Variants in ABL1 observed in about 807,000 individuals in gnomAD.
ABL1 encodes the protein ABL proto-oncogene 1, non-receptor tyrosine kinase.
A neutral mutation model predicts 94.7 loss-of-function variants in ABL1; 11 were observed. The observed-to-expected ratio is 0.12, with a 90% CI of 0.07 to 0.19. The LOEUF (loss-of-function observed/expected upper bound fraction) is 0.19. Ranked by LOEUF, ABL1 falls within the 10% of genes least tolerant of loss-of-function variation. The pLI, the probability that ABL1 is intolerant of heterozygous loss-of-function variation, is 1.00. For synonymous variants in ABL1, 656 were observed against 622.4 expected, an observed-to-expected ratio of 1.05 and a Z score of -0.80; for missense variants, 1,082 against 1,489.4, an observed-to-expected ratio of 0.73 and a Z score of 4.50.
chr9:130,726,766 A>C (rs1191892007), intron 1 of ABL1, among the ~76,000 whole-genome samples: 1 of 151,966 alleles, frequency 6.6e-6, no homozygotes, highest in Non-Finnish European at 1.5e-5. Context: ...GAGCCACTGC[A>C]CCCAGCCTAC....
At chr9:130,820,435 T>C (rs1228129129) in intron 1 of ABL1, among the ~76,000 whole-genome samples, 1 of 152,242 alleles carries the variant, frequency 6.6e-6, no homozygotes, top group Admixed American at 6.5e-5. Context: ...TTGCTGGCTT[T>C]CTCAGATGTC....
Position 130,883,850 on chromosome 9 carries a change from T to C in ABL1, c.1679-119T>C, listed in dbSNP as rs1373818071. 5 of 1,255,184 alleles carry C rather than the reference T, an allele frequency of 4.0e-6. No homozygotes were observed. In the African/African-American group the frequency reaches 6.0e-5, roughly 15 times the overall value. 77.8% of individuals were successfully genotyped at this position (1,255,184 alleles called of 1,614,324 possible). A position where few individuals can be genotyped will look rare whatever the true frequency, so the allele number is the denominator to read the frequency against. Reference sequence around the variant, plus strand: ...TGTTTGTTTGTTTTGAGATGGAGTCTCACTCTGTCTCCTGGGCTGGAGTGC... The same window carrying C: ...TGTTTGTTTGTTTTGAGATGGAGTCCCACTCTGTCTCCTGGGCTGGAGTGC... On this transcript the variant is annotated intron_variant, in intron 10 of 10. Coordinates refer to ENST00000318560, the MANE Select transcript of ABL1 (RefSeq NM_005157.6).
chr9:130,862,509 T>G lies in ABL1; in HGVS notation c.550-254T>G, dbSNP rs1187731413. Among the ~76,000 whole-genome samples, 2 of 152,090 alleles carry G rather than the reference T, an allele frequency of 1.3e-5. No individual in the cohort carries two copies. The highest frequency in any genetic ancestry group is 4.8e-5 in the African/African-American group (2 of 41,402). The stretch of plus-strand genomic sequence containing the variant: ...CACGGAAGATGAGGGAGTGGGAGAT[T>G]TCAGGCAGAGGGAGCAGCAGCAGGT... On this transcript the variant is annotated intron_variant, in intron 3 of 10. Transcript: ENST00000318560. This position sits in a 1 kb window ranked among gnomAD's most constrained non-coding sequence, Gnocchi z 5.5.
At chr9:130,842,180 G>C (rs928747428) in intron 1 of ABL1, among the ~76,000 whole-genome samples, 27 of 152,160 alleles carry the variant, frequency 1.8e-4, no homozygotes, top group African/African-American at 6.5e-4. Flanking sequence ...TGGACAGGCA[G>C]CTGATGTATG....
At chr9:130,881,524 T>C (rs532514801) in intron 10 of ABL1, among the ~76,000 whole-genome samples, 1 of 152,322 alleles carries the variant, frequency 6.6e-6, no homozygotes, top group African/African-American at 2.4e-5. Context: ...AAGTCCGCTT[T>C]ATAAAACCAT....
exon 1 of ABL1, among the ~76,000 whole-genome samples, chr9:130,713,430 G>A (rs1028700318): frequency 3.9e-5 from 6 of 152,170 alleles, no homozygotes; most frequent in Non-Finnish European, 5.9e-5. Flanking sequence ...CTGAGGCGTG[G>A]AAGAGCGTCG....
chr9:130,861,341 C>T (rs1007414159), intron 3 of ABL1, among the ~76,000 whole-genome samples: 2 of 152,194 alleles, frequency 1.3e-5, no homozygotes, highest in Non-Finnish European at 2.9e-5. Flanking sequence ...TGTGTTATCT[C>T]CCCAAGCAAA....
chr9:130,788,664 C>T (rs1444691540), intron 1 of ABL1, among the ~76,000 whole-genome samples: 1 of 152,198 alleles, frequency 6.6e-6, no homozygotes, highest in Non-Finnish European at 1.5e-5. Context: ...AACAGTTCCT[C>T]AGTCTCTCTG....
At chr9:130,784,559 G>A (rs1400841517) in intron 1 of ABL1, among the ~76,000 whole-genome samples, 1 of 152,162 alleles carries the variant, frequency 6.6e-6, no homozygotes, top group African/African-American at 2.4e-5. Context: ...ATCTGGTCTT[G>A]GGGGATTGTG....
chr9:130,856,745 A>G (rs1830981760), intron 3 of ABL1, among the ~76,000 whole-genome samples: 1 of 152,170 alleles, frequency 6.6e-6, no homozygotes, highest in South Asian at 2.1e-4. Flanking sequence ...CATGCACGCG[A>G]ATGCATCATG....
chr9:130,852,720 A>C (rs906957818), intron 1 of ABL1, among the ~76,000 whole-genome samples: 1 of 152,214 alleles, frequency 6.6e-6, no homozygotes, highest in Non-Finnish European at 1.5e-5. Context: ...CAAATAACCT[A>C]TTTGACCCTG....
chr9:130,729,170 G>A (rs1008625108), intron 1 of ABL1, among the ~76,000 whole-genome samples: 12 of 152,158 alleles, frequency 7.9e-5, no homozygotes, highest in South Asian at 4.1e-4. Context: ...TTTTGGGGTC[G>A]AAACAAAATA....
chr9:130,755,514 T>C (rs2855169), intron 1 of ABL1, among the ~76,000 whole-genome samples: 33,504 of 152,150 alleles, frequency 0.22, 3,978 homozygotes, highest in Middle Eastern at 0.4. Flanking sequence ...CATCACTATC[T>C]GCATGTTCGT....
chr9:130,748,703 G>A (rs1206917849), intron 1 of ABL1, among the ~76,000 whole-genome samples: 1 of 152,020 alleles, frequency 6.6e-6, no homozygotes, highest in Admixed American at 6.6e-5. Flanking sequence ...AGCCTCCCAA[G>A]TAGCTGGGAT....
At chr9:130,827,899 T>TAATAAATAAATAAATAAATA (rs200452899) in intron 1 of ABL1, among the ~76,000 whole-genome samples, 4 of 131,542 alleles carry the variant, frequency 3.0e-5, no homozygotes, top group Middle Eastern at 3.5e-3. Flanking sequence ...GTCTCAAAAA[T>TAATAAATAAATAAATAAATA]AATAAATAAA....
At chr9:130,758,341 G>A (rs992916205) in intron 1 of ABL1, among the ~76,000 whole-genome samples, 1 of 151,458 alleles carries the variant, frequency 6.6e-6, no homozygotes, top group East Asian at 1.9e-4. Flanking sequence ...TTGTATTTCA[G>A]TAGAGATGGG....
chr9:130,885,613 C>T lies in ABL1; in HGVS notation c.3323C>T (p.Pro1108Leu), dbSNP rs779131262. Residue 1108 changes from proline (P) to leucine (L), a missense_variant, in exon 11 of 11, where the codon CCA (proline) becomes CTA (leucine). By Grantham distance (98) the Pro-to-Leu change is moderately conservative. Transcript: ENST00000318560. ...TGCCCGGCGACAGCAGGCAGTGGTC[C>T]AGCGGCCACTCAGGACTTCAGCAAG... is the stretch of plus-strand genomic sequence containing the variant. ...QICPATAGSG[P>L]AATQDFSKLL... The T allele has an allele frequency of 8.1e-6, 13 of 1,613,370 alleles. No homozygotes were observed. The highest frequency in any genetic ancestry group is 1.6e-4 in the Middle Eastern group (1 of 6,084).
chr9:130,829,179 AG>A (rs2132891900), intron 1 of ABL1, among the ~76,000 whole-genome samples: 1 of 152,346 alleles, frequency 6.6e-6, no homozygotes, highest in East Asian at 1.9e-4. Flanking sequence ...GATAGAAGAA[AG>A]GTATTTTTTT....
At chr9:130,769,931 A>T (rs1277916181) in intron 1 of ABL1, among the ~76,000 whole-genome samples, 1 of 152,098 alleles carries the variant, frequency 6.6e-6, no homozygotes, top group Non-Finnish European at 1.5e-5. Context: ...ATATCAATGG[A>T]ATAGTACAGT....
Sources: allele counts gnomAD v4.1 joint callset (sites outside exome capture counted in the v4.1 genomes callset), GRCh38; gene constraint gnomAD v4.1.1; non-coding constraint Gnocchi (gnomAD v3.1); transcripts MANE v1.5; gene names NCBI Gene and HGNC (gene_info 2026-07-23, HGNC 2026-07-21).